CAMK1D: variants seen among roughly 807,000 people sequenced by gnomAD.
CAMK1D encodes the protein calcium/calmodulin-dependent protein kinase type 1D.
CAMK1D carries 9 observed loss-of-function variants against 47.7 expected under a neutral mutation model. That is an observed-to-expected ratio of 0.19 (90% CI 0.11 to 0.33). The LOEUF is 0.33. Among genes scored for constraint, CAMK1D ranks in the 10% least tolerant of loss-of-function variants. The pLI is 1.00. For missense variants in CAMK1D, 291 were observed against 488.7 expected (o/e 0.60, Z 3.81); for synonymous variants, 184 against 184.9 (o/e 0.99, Z 0.04).
At chr10:12,514,183 C>G (rs1835119738) in intron 1 of CAMK1D, among the ~76,000 whole-genome samples, 1 of 152,162 alleles carries the variant, frequency 6.6e-6, no homozygotes, top group Admixed American at 6.5e-5. Flanking sequence ...TCATAGCAAC[C>G]AGCTGTTTTA....
At chr10:12,355,310 C>T (rs771945861) in intron 1 of CAMK1D, among the ~76,000 whole-genome samples, 12 of 152,200 alleles carry the variant, frequency 7.9e-5, no homozygotes, top group East Asian at 1.9e-4. Flanking sequence ...GGTCAAGCAC[C>T]GTCTTTTCCC....
At chr10:12,478,163 G>A (rs1833958058) in intron 1 of CAMK1D, among the ~76,000 whole-genome samples, 1 of 150,150 alleles carries the variant, frequency 6.7e-6, no homozygotes, top group Admixed American at 6.6e-5. Flanking sequence ...CCTCCACCAC[G>A]CTCTGCTAAT....
At chr10:12,807,415 T>G (rs1838781643) in intron 6 of CAMK1D, among the ~76,000 whole-genome samples, 1 of 151,248 alleles carries the variant, frequency 6.6e-6, no homozygotes, top group Admixed American at 6.6e-5. Flanking sequence ...TGCTCTGCCC[T>G]CTTCCCTGCT....
intron 3 of CAMK1D, among the ~76,000 whole-genome samples, chr10:12,715,583 C>T (rs17152137): frequency 0.026 from 4,025 of 151,942 alleles, 98 homozygotes; most frequent in South Asian, 0.045. Flanking sequence ...GCATACAAAA[C>T]GTGATGTCAC....
intron 3 of CAMK1D, among the ~76,000 whole-genome samples, chr10:12,694,925 A>G (rs1307642569): frequency 1.3e-5 from 2 of 152,080 alleles, no homozygotes; most frequent in African/African-American, 2.4e-5. Flanking sequence ...TGGATGTGTA[A>G]GTGTACAATA....
At chr10:12,768,878 G>T (rs955039660) in intron 4 of CAMK1D, among the ~76,000 whole-genome samples, 7 of 152,160 alleles carry the variant, frequency 4.6e-5, no homozygotes, top group African/African-American at 1.7e-4. Context: ...ATACTTCACT[G>T]GTTCCCATGC....
At chr10:12,681,069 T>C (rs985755384) in intron 3 of CAMK1D, among the ~76,000 whole-genome samples, 1 of 152,116 alleles carries the variant, frequency 6.6e-6, no homozygotes, top group Non-Finnish European at 1.5e-5. Flanking sequence ...GATCACTATG[T>C]CAGTGTCCAC....
chr10:12,486,468 A>G (rs1449103042), intron 1 of CAMK1D, among the ~76,000 whole-genome samples: 1 of 151,850 alleles, frequency 6.6e-6, no homozygotes, highest in Non-Finnish European at 1.5e-5. Flanking sequence ...GGGACTTGTC[A>G]GTCTCTTATA....
At chr10:12,494,067 C>G (rs1468523894) in intron 1 of CAMK1D, among the ~76,000 whole-genome samples, 1 of 152,146 alleles carries the variant, frequency 6.6e-6, no homozygotes, top group Non-Finnish European at 1.5e-5. Context: ...CTCTTGAGTG[C>G]AGTGCTGGTG....
At chr10:12,736,318 A>C (rs1430875435) in intron 3 of CAMK1D, among the ~76,000 whole-genome samples, 1 of 152,162 alleles carries the variant, frequency 6.6e-6, no homozygotes, top group Non-Finnish European at 1.5e-5. Context: ...GGAGTGGTAT[A>C]AGAGCAACAT....
chr10:12,532,918 A>G (rs1835855506), intron 1 of CAMK1D, among the ~76,000 whole-genome samples: 1 of 126,068 alleles, frequency 7.9e-6, no homozygotes, highest in African/African-American at 3.0e-5. Context: ...GGAGATAGAG[A>G]GTAGAAGAAT....
At chr10:12,708,423 C>T (rs1036345311) in intron 3 of CAMK1D, among the ~76,000 whole-genome samples, 6 of 152,126 alleles carry the variant, frequency 3.9e-5, no homozygotes, top group African/African-American at 1.4e-4. Context: ...ATATGCTGTG[C>T]ACTCCCCCTT....
intron 3 of CAMK1D, among the ~76,000 whole-genome samples, chr10:12,714,806 A>ACACACAAT (rs56026879): frequency 6.8e-6 from 1 of 147,400 alleles, no homozygotes; most frequent in African/African-American, 2.5e-5. Context: ...ACACACACAC[A>ACACACAAT]ATGTCTGATT....
At chr10:12,427,161 A>G (rs776828946) in intron 1 of CAMK1D, among the ~76,000 whole-genome samples, 1 of 152,186 alleles carries the variant, frequency 6.6e-6, no homozygotes, top group Non-Finnish European at 1.5e-5. Context: ...CATCACTGGC[A>G]TTTCAGATGG....
intron 3 of CAMK1D, among the ~76,000 whole-genome samples, chr10:12,700,794 C>T (rs891446910): frequency 2.0e-5 from 3 of 152,148 alleles, no homozygotes; most frequent in African/African-American, 7.2e-5. Flanking sequence ...CTCCCATGTC[C>T]AGGAATGACC....
intron 1 of CAMK1D, among the ~76,000 whole-genome samples, chr10:12,499,261 CT>C (rs1834631217): frequency 6.6e-6 from 1 of 152,016 alleles, no homozygotes; most frequent in Non-Finnish European, 1.5e-5. Flanking sequence ...GATGAGGTCA[CT>C]TAGTAACCTT....
chr10:12,569,014 A>G (rs956389033), intron 2 of CAMK1D, among the ~76,000 whole-genome samples: 2 of 152,220 alleles, frequency 1.3e-5, no homozygotes, highest in African/African-American at 4.8e-5. Flanking sequence ...GGAGTGTAAT[A>G]TAAACTTCCA....
chr10:12,721,168 T>C (rs1462071742), intron 3 of CAMK1D, among the ~76,000 whole-genome samples: 43 of 152,362 alleles, frequency 2.8e-4, no homozygotes, highest in Non-Finnish European at 4.4e-5. Context: ...AGCTTGGACG[T>C]ACAGAATAGC....
intron 1 of CAMK1D, among the ~76,000 whole-genome samples, chr10:12,498,822 A>G (rs1053543215): frequency 2.6e-5 from 4 of 152,154 alleles, no homozygotes; most frequent in African/African-American, 9.7e-5. Flanking sequence ...TTTACATTCA[A>G]ACTTGTTGGG....
Sources: allele counts gnomAD v4.1 joint callset (sites outside exome capture counted in the v4.1 genomes callset), GRCh38; gene constraint gnomAD v4.1.1; transcripts MANE v1.5; gene names NCBI Gene and HGNC (gene_info 2026-07-23, HGNC 2026-07-21).